Variants in PABPC4L observed in about 807,000 individuals in gnomAD.
The protein encoded by PABPC4L is poly(A) binding protein cytoplasmic 4 like.
For synonymous variants in PABPC4L, 169 were observed against 164.1 expected (o/e 1.03, Z -0.23); for missense variants, 452 against 451.4 (o/e 1.00, Z -0.01).
the PABPC4L span, among the ~76,000 whole-genome samples, chr4:133,984,085 A>T: frequency 6.6e-6 from 1 of 151,882 alleles, no homozygotes; most frequent in African/African-American, 2.4e-5. Flanking sequence ...TATTAAAAAT[A>T]TGTTTAAACA....
At chr4:134,174,052 T>A in the PABPC4L span, among the ~76,000 whole-genome samples, 1 of 152,084 alleles carries the variant, frequency 6.6e-6, no homozygotes, top group Non-Finnish European at 1.5e-5. Flanking sequence ...TAAGCTTCTT[T>A]CTTTTTAAAA....
the PABPC4L span, among the ~76,000 whole-genome samples, chr4:134,159,575 G>C: frequency 2.6e-5 from 4 of 152,056 alleles, no homozygotes; most frequent in Non-Finnish European, 1.5e-5. Flanking sequence ...CACTTAAAGG[G>C]AGCATTTAGA....
the PABPC4L span, among the ~76,000 whole-genome samples, chr4:133,993,718 GA>G: frequency 6.6e-6 from 1 of 152,248 alleles, no homozygotes; most frequent in East Asian, 1.9e-4. Flanking sequence ...AATTTTGGTG[GA>G]AAAATTGATG....
At chr4:134,060,193 T>C in the PABPC4L span, among the ~76,000 whole-genome samples, 2 of 152,064 alleles carry the variant, frequency 1.3e-5, no homozygotes, top group African/African-American at 4.8e-5. Context: ...CAGTCAGAAT[T>C]TGAGTTCTGG....
the PABPC4L span, among the ~76,000 whole-genome samples, chr4:134,173,280 C>A: frequency 2.0e-5 from 3 of 151,904 alleles, no homozygotes; most frequent in East Asian, 1.9e-4. Flanking sequence ...TTTGCACTGC[C>A]ATGTTTGTAA....
chr4:134,028,898 C>A, the PABPC4L span, among the ~76,000 whole-genome samples: 1 of 152,216 alleles, frequency 6.6e-6, no homozygotes, highest in East Asian at 1.9e-4. Flanking sequence ...GTCACTATTT[C>A]AAGCATATCA....
chr4:133,998,039 T>C, the PABPC4L span, among the ~76,000 whole-genome samples: 1 of 151,964 alleles, frequency 6.6e-6, no homozygotes, highest in Non-Finnish European at 1.5e-5. Flanking sequence ...TGTACAAGTA[T>C]ACATTTGAAC....
chr4:134,167,253 A>C, the PABPC4L span, among the ~76,000 whole-genome samples: 1 of 152,060 alleles, frequency 6.6e-6, no homozygotes, highest in Non-Finnish European at 1.5e-5. Flanking sequence ...ATTGCAACAA[A>C]TATGCCACTC....
At chr4:134,011,363 T>G in the PABPC4L span, among the ~76,000 whole-genome samples, 6 of 152,252 alleles carry the variant, frequency 3.9e-5, no homozygotes, top group African/African-American at 1.4e-4. Context: ...ATGAGGATGC[T>G]GGTGTCATAT....
chr4:133,949,783 G>A, the PABPC4L span, among the ~76,000 whole-genome samples: 197 of 152,228 alleles, frequency 1.3e-3, 2 homozygotes, highest in Middle Eastern at 3.4e-3. Context: ...GGCAGAGTTT[G>A]AGTCAGAAGT....
At chr4:134,083,921 C>T in the PABPC4L span, among the ~76,000 whole-genome samples, 1 of 152,030 alleles carries the variant, frequency 6.6e-6, no homozygotes, top group African/African-American at 2.4e-5. Flanking sequence ...TAAATTTATT[C>T]ATGTACATTT....
chr4:134,046,508 T>C, the PABPC4L span, among the ~76,000 whole-genome samples: 1 of 151,812 alleles, frequency 6.6e-6, no homozygotes, highest in Non-Finnish European at 1.5e-5. Flanking sequence ...GCCTTCCTCT[T>C]ATCTCAACTG....
the PABPC4L span, among the ~76,000 whole-genome samples, chr4:134,086,275 A>T: frequency 6.6e-6 from 1 of 151,854 alleles, no homozygotes; most frequent in Non-Finnish European, 1.5e-5. Flanking sequence ...TTTATTTGCA[A>T]ATATTTTCTA....
the PABPC4L span, among the ~76,000 whole-genome samples, chr4:133,968,881 T>G: frequency 6.6e-5 from 10 of 152,178 alleles, no homozygotes; most frequent in Non-Finnish European, 1.3e-4. Context: ...ATGGCAATAT[T>G]TAATTTTTCA....
the PABPC4L span, among the ~76,000 whole-genome samples, chr4:133,962,608 G>C: frequency 6.6e-6 from 1 of 152,136 alleles, no homozygotes; most frequent in Non-Finnish European, 1.5e-5. Context: ...GAAAACCTAT[G>C]AGATTAACAG....
chr4:134,036,589 A>G, the PABPC4L span, among the ~76,000 whole-genome samples: 1 of 152,078 alleles, frequency 6.6e-6, no homozygotes, highest in African/African-American at 2.4e-5. Flanking sequence ...AGATATATCT[A>G]GGTTTTAATC....
chr4:133,972,790 C>T, the PABPC4L span, among the ~76,000 whole-genome samples: 1 of 152,102 alleles, frequency 6.6e-6, no homozygotes. Context: ...TGCTTACCGA[C>T]ATAATAAATA....
chr4:133,980,681 T>G, the PABPC4L span, among the ~76,000 whole-genome samples: 2 of 151,852 alleles, frequency 1.3e-5, no homozygotes, highest in Non-Finnish European at 2.9e-5. Context: ...TTCCTTGAGG[T>G]TAATCAAACT....
the PABPC4L span, among the ~76,000 whole-genome samples, chr4:134,120,384 T>G: frequency 4.0e-5 from 6 of 149,690 alleles, no homozygotes; most frequent in Admixed American, 4.0e-4. Context: ...TTGTGTGTAT[T>G]TAATACTTCC....
Sources: allele counts gnomAD v4.1 joint callset (sites outside exome capture counted in the v4.1 genomes callset), GRCh38; gene constraint gnomAD v4.1.1; transcripts MANE v1.5; gene names NCBI Gene and HGNC (gene_info 2026-07-23, HGNC 2026-07-21).